Variants in NFATC2 observed in about 807,000 individuals in gnomAD.
The protein encoded by NFATC2 is nuclear factor of activated T cells 2, also known as nuclear factor of activated T-cells, cytoplasmic 2.
NFATC2 carries 22 observed loss-of-function variants against 87.3 expected under a neutral mutation model. The observed-to-expected ratio is 0.25, with a 90% CI of 0.18 to 0.36. The LOEUF (loss-of-function observed/expected upper bound fraction) is 0.36. Ranked by LOEUF, NFATC2 falls within the 10% of genes least tolerant of loss-of-function variation. The probability of loss-of-function intolerance (pLI) is 1.00; values close to 1 mark genes in which losing one functional copy is unlikely to be tolerated. For missense variants in NFATC2, 1,149 were observed against 1,259.1 expected (o/e 0.91, Z 1.32); for synonymous variants, 565 against 542.2 (o/e 1.04, Z -0.58).
chr20:51,417,909 G>A (rs947155485), intron 9 of NFATC2, among the ~76,000 whole-genome samples: 5 of 152,332 alleles, frequency 3.3e-5, no homozygotes, highest in African/African-American at 9.6e-5. Flanking sequence ...TAAAGGAGGC[G>A]GCATCCACAT....
chr20:51,455,158 G>A (rs1167279966), intron 5 of NFATC2, among the ~76,000 whole-genome samples: 1 of 152,146 alleles, frequency 6.6e-6, no homozygotes, highest in Non-Finnish European at 1.5e-5. Context: ...GTACCTGAAG[G>A]GTTTAGACAT....
intron 3 of NFATC2, among the ~76,000 whole-genome samples, chr20:51,482,182 C>G (rs898438516): frequency 4.6e-5 from 7 of 151,904 alleles, no homozygotes; most frequent in Admixed American, 3.9e-4. Context: ...ACCAGCTCAG[C>G]AATAAGAACC....
At chr20:51,502,964 G>C (rs536037684) in intron 3 of NFATC2, among the ~76,000 whole-genome samples, 1 of 152,304 alleles carries the variant, frequency 6.6e-6, no homozygotes, top group South Asian at 2.1e-4. Flanking sequence ...GGCTTCCTAA[G>C]TTGAGCAGTA....
intron 5 of NFATC2, among the ~76,000 whole-genome samples, chr20:51,461,980 G>A (rs907765169): frequency 7.2e-5 from 11 of 151,980 alleles, no homozygotes; most frequent in South Asian, 2.1e-4. Flanking sequence ...TTAGCTGGGC[G>A]TGGTGGTACG....
chr20:51,488,516 A>T (rs931406443), intron 3 of NFATC2, among the ~76,000 whole-genome samples: 2 of 152,200 alleles, frequency 1.3e-5, no homozygotes, highest in African/African-American at 4.8e-5. Flanking sequence ...AAGTCTCTGG[A>T]CATTGCTAAA....
At chr20:51,435,447 C>T in intron 7 of NFATC2, 133 bp from the exon 8 acceptor site, 1 of 1,318,088 alleles carries the variant, frequency 7.6e-7, no homozygotes, top group Non-Finnish European at 1.0e-6. Context: ...AGGGGAAGTT[C>T]AATTTCAGGG....
chr20:51,442,852 C>G (rs951325858), intron 6 of NFATC2, among the ~76,000 whole-genome samples: 3 of 152,122 alleles, frequency 2.0e-5, no homozygotes, highest in Non-Finnish European at 4.4e-5. Context: ...AGCTGTACCC[C>G]AGGCCGAGAG....
In NFATC2 at chr20:51,398,713, GGT is replaced by G; in HGVS notation, c.2738_2739del (p.His913ProfsTer2). The G allele has an allele frequency of 6.2e-7, 1 of 1,612,412 alleles. No individual in the cohort carries two copies. The highest frequency in any genetic ancestry group is 8.5e-7 in the Non-Finnish European group (1 of 1,178,970). On this transcript the variant is annotated frameshift_variant, in exon 10 of 11. Coordinates refer to ENST00000371564, the MANE Select transcript of NFATC2 (RefSeq NM_012340.5). LOFTEE classifies it high-confidence loss of function. The part of the protein sequence containing the change: ...TYLDDELIDT[H>X]LSWIQNIL ...CATAATATGTTTTGTATCCAGCTAA[GGT>G]GTGTGTCTATCAGCTCTGAAAAAGA...
chr20:51,410,453 G>C (rs777273376), intron 9 of NFATC2, among the ~76,000 whole-genome samples: 1 of 151,854 alleles, frequency 6.6e-6, no homozygotes, highest in African/African-American at 2.4e-5. Flanking sequence ...TTAGGGGGAG[G>C]GGTAAGTACA....
rs1600724924 is a variant in NFATC2 at position 51,435,417 on chromosome 20, T to C, written c.1906-103A>G. 19 of 1,510,694 alleles carry C rather than the reference T, an allele frequency of 1.3e-5. No homozygotes were observed. The South Asian group carries it at 2.2e-4, about 18-fold the overall frequency. The allele number at this position is 1,510,694 out of a possible 1,614,324, so 93.6% of individuals were successfully genotyped here. On this transcript the variant is annotated intron_variant, in intron 7 of 10. Transcript: ENST00000371564. ...GCCCACTGTCTAATGGGTGTTTTGA[T>C]GTGCCTTTCATCGGTTTACAGGGGA...
intron 3 of NFATC2, among the ~76,000 whole-genome samples, chr20:51,504,206 G>A (rs2076138639): frequency 6.6e-6 from 1 of 152,152 alleles, no homozygotes; most frequent in Non-Finnish European, 1.5e-5. Flanking sequence ...ATTTTTAGTA[G>A]AGATGGGGTT....
chr20:51,509,488 T>A (rs2076238515), intron 3 of NFATC2, among the ~76,000 whole-genome samples: 1 of 151,916 alleles, frequency 6.6e-6, no homozygotes, highest in African/African-American at 2.4e-5. Flanking sequence ...GAAGCCTGAG[T>A]GACCCGGCCA....
chr20:51,542,306 C>T, intron 1 of NFATC2, 64 bp downstream of exon 1: 6 of 1,550,592 alleles, frequency 3.9e-6, no homozygotes, highest in Non-Finnish European at 5.2e-6. Context: ...GACTCCTGTG[C>T]CCAGTCCCCA....
At chr20:51,488,376 T>C (rs965565354) in intron 3 of NFATC2, among the ~76,000 whole-genome samples, 19 of 152,194 alleles carry the variant, frequency 1.2e-4, no homozygotes, top group African/African-American at 4.6e-4. Context: ...GTGTGGACTA[T>C]TGATTTGGGG....
At chr20:51,424,483 C>T (rs1299175346) in intron 9 of NFATC2, among the ~76,000 whole-genome samples, 1 of 152,236 alleles carries the variant, frequency 6.6e-6, no homozygotes, top group Non-Finnish European at 1.5e-5. Context: ...AAGAGCTTTA[C>T]AGGACGCCCC....
intron 3 of NFATC2, among the ~76,000 whole-genome samples, chr20:51,504,022 T>G (rs2076135119): frequency 6.6e-6 from 1 of 151,774 alleles, no homozygotes; most frequent in Non-Finnish European, 1.5e-5. Flanking sequence ...TTTTGGGGTT[T>G]TTTTGTTTGC....
At chr20:51,425,467 C>T (rs1047029164) in intron 9 of NFATC2, among the ~76,000 whole-genome samples, 2 of 152,206 alleles carry the variant, frequency 1.3e-5, no homozygotes, top group African/African-American at 4.8e-5. Flanking sequence ...AACTGCCTGG[C>T]TCAGTTCTCA....
At chr20:51,401,730 C>G (rs1048523832) in intron 9 of NFATC2, among the ~76,000 whole-genome samples, 5 of 152,162 alleles carry the variant, frequency 3.3e-5, no homozygotes, top group Admixed American at 6.5e-5. Flanking sequence ...CATTTTTACC[C>G]CAGGCATAAA....
At chr20:51,520,265 T>C (rs1394020560) in intron 2 of NFATC2, among the ~76,000 whole-genome samples, 2 of 152,188 alleles carry the variant, frequency 1.3e-5, no homozygotes, top group African/African-American at 4.8e-5. Context: ...AATAAAATCA[T>C]GGTTTGGAGA....
Sources: gnomAD v4.1 joint callset for allele counts (sites outside exome capture counted in the v4.1 genomes callset) on GRCh38, gnomAD v4.1.1 for gene constraint, MANE v1.5 for transcripts, NCBI Gene and HGNC (gene_info 2026-07-23, HGNC 2026-07-21) for gene names.